Variants in BICD1 observed in about 807,000 individuals in gnomAD.
BICD1 encodes protein bicaudal D homolog 1.
A neutral mutation model predicts 92.5 loss-of-function variants in BICD1; 35 were observed. The observed-to-expected ratio is 0.38, with a 90% CI of 0.29 to 0.50. BICD1 has a LOEUF of 0.50. Among genes scored for constraint, BICD1 ranks in the 20% least tolerant of loss-of-function variants. The probability of loss-of-function intolerance (pLI) is 0.93; values close to 1 mark genes in which losing one functional copy is unlikely to be tolerated. For synonymous variants in BICD1, 429 were observed against 465.1 expected, an observed-to-expected ratio of 0.92 and a Z score of 1.00; for missense variants, 950 against 1,189.8, an observed-to-expected ratio of 0.80 and a Z score of 2.97.
chr12:32,315,408 C>A (rs1010134708), intron 4 of BICD1, among the ~76,000 whole-genome samples: 1 of 152,014 alleles, frequency 6.6e-6, no homozygotes, highest in African/African-American at 2.4e-5. Context: ...TTTGCTAGTT[C>A]TTTTTCAAGA....
intron 9 of BICD1, among the ~76,000 whole-genome samples, chr12:32,369,651 G>T (rs561637114): frequency 6.6e-6 from 1 of 152,346 alleles, no homozygotes; most frequent in African/African-American, 2.4e-5. Context: ...CAGCAGTTTG[G>T]GAGGCTGAGG....
chr12:32,342,128 A>ATATATATATGTG (rs1938391118), intron 8 of BICD1, among the ~76,000 whole-genome samples: 1 of 102,738 alleles, frequency 9.7e-6, no homozygotes, highest in African/African-American at 3.0e-5. Flanking sequence ...ATATATATGT[A>ATATATATATGTG]TATATATATG....
chr12:32,309,353 G>A, intron 4 of BICD1, among the ~76,000 whole-genome samples: 1 of 152,126 alleles, frequency 6.6e-6, no homozygotes, highest in Non-Finnish European at 1.5e-5. Context: ...ATAGCTATCT[G>A]GAATGCTTGG....
In BICD1 at chr12:32,107,172, T is replaced by C; in HGVS notation, c.-160T>C. The C allele has an allele frequency of 1.5e-6, 1 of 686,196 alleles. No homozygotes were observed. Among genetic ancestry groups the C allele is most frequent in the Non-Finnish European group, 2.4e-6 (1 of 408,388 alleles). 42.5% of individuals were successfully genotyped at this position (686,196 alleles called of 1,614,324 possible). On this transcript the variant is annotated 5_prime_UTR_variant, in exon 1 of 10. Coordinates refer to ENST00000652176, the MANE Select transcript of BICD1 (RefSeq NM_001714.4). ...GTTTCTCGGGCGGTGTAGCTGCCGC[T>C]GCCACCAGAGCCGGCGGGGCATCGC...
intron 3 of BICD1, among the ~76,000 whole-genome samples, chr12:32,295,016 A>G (rs1355935803): frequency 7.2e-6 from 1 of 139,150 alleles, no homozygotes; most frequent in African/African-American, 2.7e-5. Flanking sequence ...CAGGATGCGG[A>G]GGTTGCAGTG....
chr12:32,351,561 T>C (rs914214006), intron 8 of BICD1, among the ~76,000 whole-genome samples: 2 of 85,092 alleles, frequency 2.4e-5, no homozygotes, highest in African/African-American at 1.3e-4. Context: ...TATATGAAAA[T>C]ACATAATTTA....
At chr12:32,146,772 T>G (rs1943116253) in intron 1 of BICD1, among the ~76,000 whole-genome samples, 1 of 151,738 alleles carries the variant, frequency 6.6e-6, no homozygotes, top group Non-Finnish European at 1.5e-5. Flanking sequence ...TTCTTATTTC[T>G]TCTTCTCCTT....
At chr12:32,346,580 ATACGTG>A (rs1938605566) in intron 8 of BICD1, among the ~76,000 whole-genome samples, 1 of 17,716 alleles carries the variant, frequency 5.6e-5, no homozygotes, top group Non-Finnish European at 8.6e-5. Context: ...ATATATATAT[ATACGTG>A]TATATATATA....
chr12:32,240,319 C>A (rs1946200844), intron 2 of BICD1, among the ~76,000 whole-genome samples: 1 of 152,158 alleles, frequency 6.6e-6, no homozygotes, highest in South Asian at 2.1e-4. Flanking sequence ...AAATGCAGTT[C>A]ACTGGGGGTA....
At chr12:32,368,369 C>A (rs1300192361) in intron 9 of BICD1, among the ~76,000 whole-genome samples, 1 of 151,888 alleles carries the variant, frequency 6.6e-6, no homozygotes, top group East Asian at 1.9e-4. Context: ...AAAAACAAAA[C>A]AAAACAAAAA....
intron 4 of BICD1, among the ~76,000 whole-genome samples, chr12:32,307,487 TACTGAACTAGAA>T (rs746339645): frequency 1.3e-5 from 2 of 148,928 alleles, no homozygotes; most frequent in Admixed American, 6.7e-5. Context: ...CGTGTAGATC[TACTGAACTAGAA>T]ACTGAACTAG....
At chr12:32,110,539 C>T (rs1423389212) in intron 1 of BICD1, among the ~76,000 whole-genome samples, 1 of 152,140 alleles carries the variant, frequency 6.6e-6, no homozygotes, top group Non-Finnish European at 1.5e-5. Context: ...GTAACACTTG[C>T]TCTTCAGTGA....
rs753099229 is a variant in BICD1 at position 32,216,346 on chromosome 12, T to C, written c.313T>C (p.Tyr105His). 12 of 1,614,096 alleles carry C rather than the reference T, an allele frequency of 7.4e-6. No homozygotes were observed. The highest frequency in any genetic ancestry group is 1.0e-5 in the Non-Finnish European group (12 of 1,180,056). ...LQESASKEAYYLGKILEMQNE... is the reference protein window; with the variant it reads ...LQESASKEAYHLGKILEMQNE... The stretch of plus-strand genomic sequence containing the variant: ...GGAGTCAGCATCGAAGGAGGCTTAC[T>C]ATCTGGGGAAGATCTTGGAGATGCA... Residue 105 changes from tyrosine (Y) to histidine (H), a missense_variant, in exon 2 of 10, where the codon TAT becomes CAT. Around this residue, in one of 5 missense-constraint regions of BICD1, gnomAD observed 202 missense variants for 205.3 expected, o/e 0.98. Transcript: ENST00000652176.
intron 2 of BICD1, among the ~76,000 whole-genome samples, chr12:32,226,421 A>G (rs926125998): frequency 6.6e-6 from 1 of 152,234 alleles, no homozygotes; most frequent in Non-Finnish European, 1.5e-5. Context: ...GGCGTTAGCC[A>G]TCACACCTGA....
intron 4 of BICD1, among the ~76,000 whole-genome samples, chr12:32,316,346 A>G (rs1025364576): frequency 3.3e-5 from 5 of 151,194 alleles, no homozygotes; most frequent in African/African-American, 4.9e-5. Flanking sequence ...GCTGGAGTAC[A>G]GTGGCATGAT....
chr12:32,266,522 C>T (rs941231847), intron 2 of BICD1, among the ~76,000 whole-genome samples: 5 of 152,014 alleles, frequency 3.3e-5, no homozygotes, highest in African/African-American at 7.3e-5. Context: ...CATCTTAAAC[C>T]GCATCATCTA....
At chr12:32,123,027 G>T (rs573774898) in intron 1 of BICD1, among the ~76,000 whole-genome samples, 1 of 152,262 alleles carries the variant, frequency 6.6e-6, no homozygotes, top group Admixed American at 6.5e-5. Context: ...CCATATTTGC[G>T]GAGCCTACAT....
In BICD1 at chr12:32,197,293, AC is replaced by A. The variant is rs1944756392; in HGVS notation, c.214-18952del. Reference sequence around the variant, plus strand: ...CAAAGTGCTGGGATTACAGGCTTAAACCACTGCACCTGGCCTCAAGATTTTA... The same window carrying A: ...CAAAGTGCTGGGATTACAGGCTTAAACACTGCACCTGGCCTCAAGATTTTA... On this transcript the variant is annotated intron_variant, in intron 1 of 9. Transcript: ENST00000652176. 3.9e-5 allele frequency among the ~76,000 whole-genome samples: 6 copies of A among 152,000 alleles called. No individual in the cohort carries two copies. The South Asian group carries it at 1.2e-3, about 32-fold the overall frequency.
chr12:32,360,401 G>A (rs146071497), intron 8 of BICD1, among the ~76,000 whole-genome samples: 2 of 152,190 alleles, frequency 1.3e-5, no homozygotes, highest in Non-Finnish European at 2.9e-5. Flanking sequence ...GTTTTTACAC[G>A]GTGGAAAAGA....
Sources: allele counts gnomAD v4.1 joint callset (sites outside exome capture counted in the v4.1 genomes callset), GRCh38; gene constraint gnomAD v4.1.1; regional missense constraint gnomAD v4.1.1; transcripts MANE v1.5; gene names NCBI Gene and HGNC (gene_info 2026-07-23, HGNC 2026-07-21).